The following DOCK9 variants were observed in gnomAD, a reference collection of about 807,000 sequenced individuals.
DOCK9 encodes dedicator of cytokinesis 9, also known as dedicator of cytokinesis protein 9.
In DOCK9, 89 loss-of-function variants were observed where a neutral mutation model predicts 263.3. That is an observed-to-expected ratio of 0.34 (90% CI 0.28 to 0.40). DOCK9 has a LOEUF of 0.40. Among genes scored for constraint, DOCK9 ranks in the 10% least tolerant of loss-of-function variants. The pLI is 1.00. For missense variants in DOCK9, 2,140 were observed against 2,603.4 expected, an observed-to-expected ratio of 0.82 and a Z score of 3.87; for synonymous variants, 976 against 973.1, an observed-to-expected ratio of 1.00 and a Z score of -0.06.
intron 1 of DOCK9, among the ~76,000 whole-genome samples, chr13:99,056,666 GGA>G (rs1451383488): frequency 6.6e-6 from 1 of 152,190 alleles, no homozygotes; most frequent in East Asian, 1.9e-4. Context: ...TAAATTTAAT[GGA>G]GAGTACACCT....
rs185465309 is a variant in DOCK9 at position 98,808,771 on chromosome 13, C to T, written c.5367+581G>A. The T allele has an allele frequency of 3.6e-5, 29 of 805,408 alleles. No homozygotes were observed. The Admixed American group carries it at 4.0e-4, about 11-fold the overall frequency. The allele number at this position is 805,408 out of a possible 1,614,324, so 49.9% of individuals were successfully genotyped here. On this transcript the variant is annotated intron_variant, in intron 47 of 52. Coordinates refer to ENST00000682017, the MANE Select transcript of DOCK9 (RefSeq NM_001366683.2). ...CTAAATATATGTATTATAATTTATACCATTTAATAATGTTAAGGGACTCGA... is the reference window on the plus strand; with the variant it reads ...CTAAATATATGTATTATAATTTATATCATTTAATAATGTTAAGGGACTCGA...
chr13:99,048,260 G>C (rs1165024982), intron 1 of DOCK9, among the ~76,000 whole-genome samples: 1 of 152,180 alleles, frequency 6.6e-6, no homozygotes, highest in African/African-American at 2.4e-5. Flanking sequence ...CAAGTTTCCA[G>C]TTTTGGAGTA....
At chr13:99,009,870 C>T (rs946518310) in intron 1 of DOCK9, among the ~76,000 whole-genome samples, 4 of 151,904 alleles carry the variant, frequency 2.6e-5, no homozygotes, top group Non-Finnish European at 5.9e-5. Context: ...TCCTTCGGGA[C>T]TGTTTGGGGA....
chr13:99,085,807 G>T (rs56397529), intron 1 of DOCK9, among the ~76,000 whole-genome samples: 31,329 of 146,526 alleles, frequency 0.21, 3,355 homozygotes, highest in Middle Eastern at 0.31. Context: ...CAATTCCCCT[G>T]CGCCCCTCCA....
chr13:98,915,737 A>G (rs868578097), intron 7 of DOCK9, among the ~76,000 whole-genome samples: 1 of 149,196 alleles, frequency 6.7e-6, no homozygotes, highest in Non-Finnish European at 1.5e-5. Flanking sequence ...CCTGCTTTAC[A>G]TACTCATCTG....
At chr13:98,951,650 A>G (rs530327452) in intron 2 of DOCK9, among the ~76,000 whole-genome samples, 6 of 152,328 alleles carry the variant, frequency 3.9e-5, no homozygotes, top group South Asian at 4.1e-4. Context: ...TGGGGGGAAA[A>G]GTTTCTGTGG....
chr13:99,028,026 T>C (rs1174514866), intron 1 of DOCK9, among the ~76,000 whole-genome samples: 2 of 152,188 alleles, frequency 1.3e-5, no homozygotes, highest in Non-Finnish European at 1.5e-5. Context: ...TAAGAAGACA[T>C]TGGTCCAGAA....
At position 98,923,314 on chromosome 13, in the gene DOCK9, G is replaced by A. The variant is rs12428661; in HGVS notation, c.474C>T (p.Val158=). 0.17 allele frequency: 267,166 copies of A among 1,612,214 alleles called. 23,051 individuals are homozygous for A. The highest frequency in any genetic ancestry group is 0.24 in the East Asian group (10,624 of 44,856). Residue 158 remains valine, a synonymous_variant, in exon 5 of 53, where the codon GTC becomes GTT. Coordinates refer to ENST00000682017, the MANE Select transcript of DOCK9 (RefSeq NM_001366683.2). ...PVHVYEVDEE[V]DKDEDAASLG... is the part of the protein sequence containing the mutation. ...GCAGGTATCCCACCTCATCTTTGTC[G>A]ACCTCCTCGTCAACTTCATAGACAT...
chr13:98,867,909 G>A lies in DOCK9; in HGVS notation c.3174+19C>T, dbSNP rs768078706. On this transcript the variant is annotated intron_variant, in intron 29 of 52. Coordinates refer to ENST00000682017, the MANE Select transcript of DOCK9 (RefSeq NM_001366683.2). ...GGCTACATGGTGACTTCTGTTACCA[G>A]TAACAACCCCCGCACTACCTTTGGG... is the stretch of plus-strand genomic sequence containing the variant. 2 of 1,608,646 alleles carry A rather than the reference G, an allele frequency of 1.2e-6. No homozygotes were observed. Among genetic ancestry groups the A allele is most frequent in the Non-Finnish European group, 1.7e-6 (2 of 1,176,532 alleles).
chr13:98,936,647 A>AG (rs1247456402), intron 2 of DOCK9, among the ~76,000 whole-genome samples: 17 of 151,268 alleles, frequency 1.1e-4, no homozygotes, highest in Admixed American at 1.1e-3. Context: ...AGAAAGAAAG[A>AG]AAAGAATGAA....
intron 49 of DOCK9, among the ~76,000 whole-genome samples, chr13:98,803,736 AT>A (rs2090378968): frequency 6.6e-6 from 1 of 152,060 alleles, no homozygotes; most frequent in South Asian, 2.1e-4. Flanking sequence ...CATTAAAAAA[AT>A]AATTAAATTA....
exon 1 of DOCK9, chr13:99,086,446 C>CCCGCCGCTCCCGGCG (rs2042345609): frequency 4.8e-6 from 4 of 831,530 alleles, no homozygotes; most frequent in Admixed American, 6.5e-5. Context: ...GCCCGCTCCG[C>CCCGCCGCTCCCGGCG]CCGCCGCTCC....
intron 1 of DOCK9, among the ~76,000 whole-genome samples, chr13:99,073,102 C>T (rs542455122): frequency 6.6e-6 from 1 of 152,258 alleles, no homozygotes; most frequent in Non-Finnish European, 1.5e-5. Context: ...TGATTTATAG[C>T]CTTGTTGCCA....
At chr13:99,055,183 T>C (rs1462501630) in intron 1 of DOCK9, among the ~76,000 whole-genome samples, 3 of 152,242 alleles carry the variant, frequency 2.0e-5, no homozygotes, top group African/African-American at 7.2e-5. Flanking sequence ...GACTTCCTTA[T>C]ACTATCCTTG....
intron 8 of DOCK9, 103 bp downstream of exon 8, chr13:98,915,226 C>G (rs2050695971): frequency 1.7e-6 from 2 of 1,159,036 alleles, no homozygotes; most frequent in South Asian, 1.6e-5. Context: ...CGTCCCACCT[C>G]TCATGTACTT....
At chr13:98,861,233 C>T (rs1032021950) in intron 32 of DOCK9, among the ~76,000 whole-genome samples, 5 of 152,100 alleles carry the variant, frequency 3.3e-5, no homozygotes, top group Admixed American at 1.3e-4. Flanking sequence ...CATGCACAAA[C>T]GCTATACACA....
chr13:99,060,526 T>C (rs1191812582), intron 1 of DOCK9, among the ~76,000 whole-genome samples: 1 of 152,200 alleles, frequency 6.6e-6, no homozygotes, highest in Non-Finnish European at 1.5e-5. Context: ...ACTCTATATT[T>C]AACTTTCTGA....
At chr13:98,893,629 A>T (rs797001689) in intron 15 of DOCK9, among the ~76,000 whole-genome samples, 1 of 152,210 alleles carries the variant, frequency 6.6e-6, no homozygotes, top group African/African-American at 2.4e-5. Flanking sequence ...AATTTTTTTC[A>T]TGCATTATTA....
intron 2 of DOCK9, among the ~76,000 whole-genome samples, chr13:98,930,507 G>T (rs550554671): frequency 8.5e-5 from 13 of 152,282 alleles, no homozygotes; most frequent in Admixed American, 3.9e-4. Flanking sequence ...CTCCAGCTCA[G>T]CCCTTCCCGC....
Sources: gnomAD v4.1 joint callset for allele counts (sites outside exome capture counted in the v4.1 genomes callset) on GRCh38, gnomAD v4.1.1 for gene constraint, MANE v1.5 for transcripts, NCBI Gene and HGNC (gene_info 2026-07-23, HGNC 2026-07-21) for gene names.